AKAP13: variants seen among roughly 807,000 people sequenced by gnomAD.
AKAP13 encodes the protein A-kinase anchor protein 13.
In AKAP13, 80 loss-of-function variants were observed where a neutral mutation model predicts 264.5. The observed-to-expected ratio is 0.30, with a 90% CI of 0.25 to 0.36. The LOEUF (loss-of-function observed/expected upper bound fraction) is 0.36. Among genes scored for constraint, AKAP13 ranks in the 10% least tolerant of loss-of-function variants. AKAP13 has a pLI of 1.00. For synonymous variants in AKAP13, 1,380 were observed against 1,250.2 expected, an observed-to-expected ratio of 1.10 and a Z score of -2.19; for missense variants, 3,712 against 3,435.2, an observed-to-expected ratio of 1.08 and a Z score of -2.01.
intron 14 of AKAP13, 70 bp downstream of exon 14, chr15:85,669,900 C>T (rs2083820489): frequency 8.3e-7 from 1 of 1,205,438 alleles, no homozygotes; most frequent in East Asian, 2.7e-5. Flanking sequence ...ATTTTTCTCA[C>T]TTTAAGGCCC....
intron 1 of AKAP13, among the ~76,000 whole-genome samples, chr15:85,463,107 A>T (rs1231072696): frequency 6.6e-6 from 1 of 151,964 alleles, no homozygotes; most frequent in Non-Finnish European, 1.5e-5. Flanking sequence ...AAATCATCGC[A>T]CTGTAGTTCA....
chr15:85,519,575 C>T (rs542286808), intron 2 of AKAP13, among the ~76,000 whole-genome samples: 1 of 152,298 alleles, frequency 6.6e-6, no homozygotes, highest in South Asian at 2.1e-4. Context: ...CACATTTTAC[C>T]AGGCTAAGCT....
chr15:85,661,046 GTGTTTTTAT>G (rs2083318994), intron 12 of AKAP13, among the ~76,000 whole-genome samples: 2 of 152,150 alleles, frequency 1.3e-5, no homozygotes, highest in Admixed American at 1.3e-4. Context: ...ATTGAGCCGA[GTGTTTTTAT>G]TGTCCACAAG....
At chr15:85,661,324 T>G (rs780110344) in intron 12 of AKAP13, among the ~76,000 whole-genome samples, 3 of 152,214 alleles carry the variant, frequency 2.0e-5, no homozygotes, top group Non-Finnish European at 4.4e-5. Context: ...AGGAAGTAGA[T>G]GATCAGATGG....
At chr15:85,424,774 A>C (rs1351118861) in intron 1 of AKAP13, among the ~76,000 whole-genome samples, 1 of 152,216 alleles carries the variant, frequency 6.6e-6, no homozygotes. Flanking sequence ...TTTTGAGTTA[A>C]AGTGAGAGAT....
chr15:85,739,485 C>T lies in AKAP13; in HGVS notation c.7558-737C>T, dbSNP rs185918585. On this transcript the variant is annotated intron_variant, in intron 33 of 36. Coordinates refer to ENST00000394518, the MANE Select transcript of AKAP13 (RefSeq NM_007200.5). ...AGGGTATTTTTTTTGTCATAATGTTCTATGAGAGCCTTTTTTAAATGAAAG... is the reference window on the plus strand; with the variant it reads ...AGGGTATTTTTTTTGTCATAATGTTTTATGAGAGCCTTTTTTAAATGAAAG... Among the ~76,000 whole-genome samples, 838 of 151,976 alleles carry T rather than the reference C, an allele frequency of 5.5e-3. 11 individuals are homozygous for T. Among genetic ancestry groups the T allele is most frequent in the African/African-American group, 0.019 (797 of 41,472 alleles).
chr15:85,672,267 G>A (rs906934892), intron 14 of AKAP13, among the ~76,000 whole-genome samples: 1 of 152,194 alleles, frequency 6.6e-6, no homozygotes, highest in African/African-American at 2.4e-5. Context: ...CTTCCTAATA[G>A]CATATGCTGC....
At chr15:85,640,931 A>G (rs145558185) in intron 9 of AKAP13, among the ~76,000 whole-genome samples, 15 of 152,236 alleles carry the variant, frequency 9.9e-5, no homozygotes, top group African/African-American at 2.9e-4. Context: ...CCTACTGTAC[A>G]CCCTAACCCC....
At chr15:85,729,514 C>T (rs1239809182) in intron 29 of AKAP13, among the ~76,000 whole-genome samples, 1 of 152,014 alleles carries the variant, frequency 6.6e-6, no homozygotes, top group East Asian at 1.9e-4. Context: ...GAGGTGGCCA[C>T]GTGGGCGCCA....
At chr15:85,660,142 C>A (rs867862731) in intron 12 of AKAP13, among the ~76,000 whole-genome samples, 1 of 151,932 alleles carries the variant, frequency 6.6e-6, no homozygotes, top group South Asian at 2.1e-4. Flanking sequence ...TGCGTGAGCC[C>A]GGGAATTTGA....
intron 7 of AKAP13, among the ~76,000 whole-genome samples, chr15:85,582,540 C>G (rs965067630): frequency 2.0e-5 from 3 of 152,170 alleles, no homozygotes; most frequent in Non-Finnish European, 4.4e-5. Context: ...CCCTATCATC[C>G]TAGTCTGTAT....
intron 14 of AKAP13, among the ~76,000 whole-genome samples, chr15:85,681,566 C>T (rs1478055114): frequency 6.6e-6 from 1 of 151,908 alleles, no homozygotes; most frequent in Non-Finnish European, 1.5e-5. Context: ...AGGACTTTGC[C>T]ATCTGTTTTA....
intron 3 of AKAP13, among the ~76,000 whole-genome samples, chr15:85,527,170 A>G (rs950845773): frequency 1.3e-5 from 2 of 152,096 alleles, no homozygotes; most frequent in African/African-American, 2.4e-5. Flanking sequence ...TCACCGTGTT[A>G]GCCAGGATGG....
At chr15:85,526,501 G>C (rs1186552649) in intron 3 of AKAP13, among the ~76,000 whole-genome samples, 1 of 152,042 alleles carries the variant, frequency 6.6e-6, no homozygotes. Flanking sequence ...CAAACTTCTG[G>C]TCTAAGTGAT....
chr15:85,667,611 T>G (rs1415227891), intron 13 of AKAP13, among the ~76,000 whole-genome samples: 5 of 152,244 alleles, frequency 3.3e-5, no homozygotes, highest in African/African-American at 1.2e-4. Context: ...ATTGTGGATT[T>G]GTAAACAGAA....
At chr15:85,676,339 G>A (rs77804385) in intron 14 of AKAP13, among the ~76,000 whole-genome samples, 3,553 of 152,300 alleles carry the variant, frequency 0.023, 151 homozygotes, top group African/African-American at 0.078. Context: ...TGAGTGAAGT[G>A]TGATATAAGG....
At chr15:85,680,540 A>G (rs2151598904) in intron 14 of AKAP13, among the ~76,000 whole-genome samples, 1 of 152,302 alleles carries the variant, frequency 6.6e-6, no homozygotes, top group East Asian at 1.9e-4. Context: ...ATTTGTTTTA[A>G]GGTTTCTTAT....
chr15:85,707,461 G>A (rs971766346), intron 17 of AKAP13, among the ~76,000 whole-genome samples: 1 of 152,160 alleles, frequency 6.6e-6, no homozygotes, highest in Admixed American at 6.5e-5. Flanking sequence ...TCAGAGAATG[G>A]GGTGCAAAAA....
chr15:85,681,578 C>G (rs373278102), intron 14 of AKAP13, among the ~76,000 whole-genome samples: 1 of 151,924 alleles, frequency 6.6e-6, no homozygotes, highest in Admixed American at 6.6e-5. Context: ...TCTGTTTTAT[C>G]TCCCTCATTT....
Sources: gnomAD v4.1 joint callset for allele counts (sites outside exome capture counted in the v4.1 genomes callset) on GRCh38, gnomAD v4.1.1 for gene constraint, MANE v1.5 for transcripts, NCBI Gene and HGNC (gene_info 2026-07-23, HGNC 2026-07-21) for gene names.